CADPS2: variants seen among roughly 807,000 people sequenced by gnomAD.
CADPS2 encodes calcium dependent secretion activator 2, also known as calcium-dependent secretion activator 2.
CADPS2 carries 93 observed loss-of-function variants against 172.5 expected under a neutral mutation model. The observed-to-expected ratio is 0.54, with a 90% CI of 0.46 to 0.64. The LOEUF (loss-of-function observed/expected upper bound fraction) is 0.64. CADPS2 is among the 30% of genes least tolerant of loss of function. The pLI, the probability that CADPS2 is intolerant of heterozygous loss-of-function variation, is 0.00. For synonymous variants in CADPS2, 546 were observed against 555.2 expected, an observed-to-expected ratio of 0.98 and a Z score of 0.23; for missense variants, 1,420 against 1,565.9, an observed-to-expected ratio of 0.91 and a Z score of 1.57.
chr7:122,846,553 TATACAG>T, intron 1 of CADPS2, among the ~76,000 whole-genome samples: 2 of 152,294 alleles, frequency 1.3e-5, no homozygotes, highest in Non-Finnish European at 2.9e-5. Flanking sequence ...TTAAAATTAA[TATACAG>T]ATAAAGGAAT....
chr7:122,532,829 AT>A (rs2061899083), intron 8 of CADPS2, among the ~76,000 whole-genome samples: 1 of 152,044 alleles, frequency 6.6e-6, no homozygotes. Flanking sequence ...CCAAAATAAC[AT>A]TTTTCTTGTT....
At chr7:122,408,601 AT>A (rs2046952167) in intron 19 of CADPS2, among the ~76,000 whole-genome samples, 1 of 151,986 alleles carries the variant, frequency 6.6e-6, no homozygotes, top group Non-Finnish European at 1.5e-5. Flanking sequence ...ATGTTTTTGT[AT>A]TTTTAGGAGA....
Position 122,318,438 on chromosome 7 carries a change from G to A in CADPS2, c.*1727C>T, listed in dbSNP as rs896461556. 6.6e-6 allele frequency: 1 copy of A among 152,238 alleles called. No individual in the cohort carries two copies. The highest frequency in any genetic ancestry group is 2.4e-5 in the African/African-American group (1 of 41,450). The allele number at this position is 152,238 out of a possible 1,614,324, so 9.4% of individuals were successfully genotyped here. ...TGGAGATGATCTGTATCAAGGAAAT[G>A]GACATTTTATTGAAAGGAAAAGAAG... On this transcript the variant is annotated 3_prime_UTR_variant, in exon 30 of 30. Transcript: ENST00000449022.
intron 29 of CADPS2, among the ~76,000 whole-genome samples, chr7:122,321,633 C>A (rs752649901): frequency 1.3e-5 from 2 of 152,142 alleles, no homozygotes; most frequent in Non-Finnish European, 2.9e-5. Context: ...GGATTACAGG[C>A]ACATGCCACC....
At chr7:122,857,674 G>A (rs1026254026) in intron 1 of CADPS2, among the ~76,000 whole-genome samples, 8 of 152,124 alleles carry the variant, frequency 5.3e-5, no homozygotes, top group African/African-American at 1.2e-4. Flanking sequence ...TTATAAAGCC[G>A]CTGTGGAAGA....
chr7:122,446,691 C>G (rs535642981), intron 15 of CADPS2, among the ~76,000 whole-genome samples: 1 of 152,256 alleles, frequency 6.6e-6, no homozygotes, highest in South Asian at 2.1e-4. Context: ...TTGCAAATAG[C>G]TGTAGCTCTC....
chr7:122,375,747 TA>T (rs990797028), intron 25 of CADPS2, among the ~76,000 whole-genome samples: 2 of 151,932 alleles, frequency 1.3e-5, no homozygotes, highest in African/African-American at 4.8e-5. Flanking sequence ...GGCAACAAAA[TA>T]TTTTTTAAAA....
intron 1 of CADPS2, among the ~76,000 whole-genome samples, chr7:122,837,966 G>C (rs567151025): frequency 1.6e-3 from 245 of 152,078 alleles, no homozygotes; most frequent in Non-Finnish European, 1.7e-3. Context: ...GCCTGGCAGA[G>C]ACACAACAAA....
At chr7:122,589,624 GAC>G (rs2070418143) in intron 6 of CADPS2, among the ~76,000 whole-genome samples, 1 of 151,914 alleles carries the variant, frequency 6.6e-6, no homozygotes, top group Admixed American at 6.6e-5. Flanking sequence ...GGTGGCTGCT[GAC>G]ACGTCGTTTA....
intron 25 of CADPS2, among the ~76,000 whole-genome samples, chr7:122,374,291 T>A (rs2151295919): frequency 6.6e-6 from 1 of 152,206 alleles, no homozygotes; most frequent in Non-Finnish European, 1.5e-5. Flanking sequence ...ACAGTTGACA[T>A]CATATTCAGT....
intron 1 of CADPS2, among the ~76,000 whole-genome samples, chr7:122,813,879 A>G (rs1235128221): frequency 1.3e-5 from 2 of 152,094 alleles, no homozygotes; most frequent in African/African-American, 2.4e-5. Flanking sequence ...GAACAAATAA[A>G]TAAGTCCCAT....
Position 122,575,704 on chromosome 7 carries a change from T to G in CADPS2, c.1335+5475A>C, listed in dbSNP as rs1233690645. Among the ~76,000 whole-genome samples the G allele has an allele frequency of 6.6e-5, 10 of 152,290 alleles. No homozygotes were observed. In the East Asian group the frequency reaches 1.9e-3, roughly 29 times the overall value. On this transcript the variant is annotated intron_variant, in intron 7 of 29. Transcript: ENST00000449022. The stretch of plus-strand genomic sequence containing the variant: ...TGCCTGCCTCGGCCTCCCAAAGTGT[T>G]GGGATTACAAGCATGAGCTACTGCA...
intron 2 of CADPS2, among the ~76,000 whole-genome samples, chr7:122,689,125 G>A (rs1457525474): frequency 6.6e-6 from 1 of 152,090 alleles, no homozygotes; most frequent in South Asian, 2.1e-4. Flanking sequence ...TTCCTGCTAT[G>A]CTACTCATGA....
At chr7:122,355,012 A>C (rs941169024) in intron 27 of CADPS2, among the ~76,000 whole-genome samples, 1 of 152,168 alleles carries the variant, frequency 6.6e-6, no homozygotes, top group African/African-American at 2.4e-5. Flanking sequence ...TCAGGACTAC[A>C]CTGAAGCATT....
Position 122,381,295 on chromosome 7 carries a change from C to T in CADPS2, c.3313-1853G>A, listed in dbSNP as rs183069859. Among the ~76,000 whole-genome samples, 17 of 152,186 alleles carry T rather than the reference C, an allele frequency of 1.1e-4. No individual in the cohort carries two copies. In the East Asian group the frequency reaches 2.3e-3, roughly 21 times the overall value. On this transcript the variant is annotated intron_variant, in intron 24 of 29. Transcript: ENST00000449022. The stretch of plus-strand genomic sequence containing the variant: ...TTCAGCAAGAGGAAATTAAATGCCA[C>T]GTGATACACCTCTTTAGGGGTAGAA...
At chr7:122,355,013 C>T (rs1039525527) in intron 27 of CADPS2, among the ~76,000 whole-genome samples, 9 of 152,130 alleles carry the variant, frequency 5.9e-5, no homozygotes, top group African/African-American at 2.2e-4. Flanking sequence ...CAGGACTACA[C>T]TGAAGCATTT....
chr7:122,648,954 C>T (rs1479170363), intron 3 of CADPS2, among the ~76,000 whole-genome samples: 1 of 152,114 alleles, frequency 6.6e-6, no homozygotes, highest in African/African-American at 2.4e-5. Flanking sequence ...TTAAACAACA[C>T]TGGCCCATGC....
chr7:122,592,532 T>G (rs1169872074), intron 6 of CADPS2, among the ~76,000 whole-genome samples: 4 of 152,212 alleles, frequency 2.6e-5, no homozygotes, highest in Admixed American at 2.6e-4. Flanking sequence ...TAAAGACACA[T>G]GCACACGTAT....
intron 1 of CADPS2, among the ~76,000 whole-genome samples, chr7:122,820,947 A>C (rs1364597118): frequency 1.3e-5 from 2 of 150,796 alleles, no homozygotes; most frequent in Non-Finnish European, 3.0e-5. Context: ...ATCACAAACT[A>C]TGCTCAACTC....
Sources: gnomAD v4.1 joint callset for allele counts (sites outside exome capture counted in the v4.1 genomes callset) on GRCh38, gnomAD v4.1.1 for gene constraint, MANE v1.5 for transcripts, NCBI Gene and HGNC (gene_info 2026-07-23, HGNC 2026-07-21) for gene names.